HDAC4: variants seen among roughly 807,000 people sequenced by gnomAD.
HDAC4 encodes histone deacetylase 4.
In HDAC4, 16 loss-of-function variants were observed where a neutral mutation model predicts 135.1. That is an observed-to-expected ratio of 0.12 (90% CI 0.08 to 0.18). The LOEUF (loss-of-function observed/expected upper bound fraction) is 0.18, where lower values mean the gene tolerates loss of function less well. Ranked by LOEUF, HDAC4 falls within the 10% of genes least tolerant of loss-of-function variation. The pLI is 1.00. For missense variants in HDAC4, 1,143 were observed against 1,511.8 expected (o/e 0.76, Z 4.05); for synonymous variants, 685 against 653.4 (o/e 1.05, Z -0.74).
intron 1 of HDAC4, among the ~76,000 whole-genome samples, chr2:239,354,561 A>ATTTTTTTTTTTTTTTTTT (rs1559380877): frequency 7.7e-6 from 1 of 129,566 alleles, no homozygotes; most frequent in African/African-American, 3.0e-5. Context: ...TTAGTCTAGA[A>ATTTTTTTTTTTTTTTTTT]ATTTTTTTTT....
intron 2 of HDAC4, among the ~76,000 whole-genome samples, chr2:239,280,128 T>C (rs1051580048): frequency 1.3e-5 from 2 of 152,000 alleles, no homozygotes; most frequent in Non-Finnish European, 2.9e-5. Context: ...ACTTGAGACA[T>C]GTGCTGGTTC....
At chr2:239,337,822 C>T (rs1692041974) in intron 2 of HDAC4, among the ~76,000 whole-genome samples, 1 of 152,118 alleles carries the variant, frequency 6.6e-6, no homozygotes, top group African/African-American at 2.4e-5. Flanking sequence ...CAGACTGGGC[C>T]CTGGCAGAAT....
chr2:239,241,534 CCT>C (rs1451121402), intron 2 of HDAC4, among the ~76,000 whole-genome samples: 1 of 152,178 alleles, frequency 6.6e-6, no homozygotes, highest in African/African-American at 2.4e-5. Context: ...GAACATTAAT[CCT>C]CTGTCAATTA....
At chr2:239,317,459 A>G (rs912731655) in intron 2 of HDAC4, among the ~76,000 whole-genome samples, 1 of 152,048 alleles carries the variant, frequency 6.6e-6, no homozygotes, top group Non-Finnish European at 1.5e-5. Flanking sequence ...GGGTAAGTAC[A>G]GGCGAGATTA....
intron 19 of HDAC4, among the ~76,000 whole-genome samples, chr2:239,086,789 T>C (rs921436045): frequency 1.3e-5 from 2 of 152,212 alleles, no homozygotes; most frequent in Non-Finnish European, 2.9e-5. Context: ...GGCAGAGCCC[T>C]ATGCCACCTC....
Position 239,139,788 on chromosome 2 carries a change from A to G in HDAC4, c.874T>C (p.Cys292Arg). 1.9e-6 allele frequency: 3 copies of G among 1,613,762 alleles called. No homozygotes were observed. The highest frequency in any genetic ancestry group is 2.5e-6 in the Non-Finnish European group (3 of 1,179,900). Residue 292 changes from cysteine to arginine, a missense_variant, in exon 9 of 27, where the codon TGC (cysteine) becomes CGC (arginine). Coordinates refer to ENST00000543185, the MANE Select transcript of HDAC4 (RefSeq NM_001378414.1). The surrounding 1 kb of genome is among the most constrained non-coding windows in gnomAD (Gnocchi z 5.3). ...GGTCCGGAGCCTGGGGCGCTGCTGCACGCGGAGTCTGCGGAGGCAGAAATA... is the reference window on the plus strand; with the variant it reads ...GGTCCGGAGCCTGGGGCGCTGCTGCGCGCGGAGTCTGCGGAGGCAGAAATA... ...KRPLDVTDSACSSAPGSGPSS... is the reference protein window; with the variant it reads ...KRPLDVTDSARSSAPGSGPSS...
chr2:239,144,101 C>A (rs1209670917), intron 8 of HDAC4, among the ~76,000 whole-genome samples: 1 of 152,164 alleles, frequency 6.6e-6, no homozygotes, highest in Non-Finnish European at 1.5e-5. Context: ...TAGGGCCAAG[C>A]TGAAGCAACT....
chr2:239,146,225 GACAAA>G lies in HDAC4; in HGVS notation c.734-1516_734-1512del, dbSNP rs778764518. 1.3e-5 allele frequency among the ~76,000 whole-genome samples: 2 copies of G among 152,068 alleles called. No homozygotes were observed. The highest frequency in any genetic ancestry group is 2.9e-5 in the Non-Finnish European group (2 of 68,006). Reference sequence around the variant, plus strand: ...CTGGGTTTCTTGCCATTATTCAAAAGACAAAACAAAACCAAAAAAAACAAGCCAAA... The same window carrying G: ...CTGGGTTTCTTGCCATTATTCAAAAGACAAAACCAAAAAAAACAAGCCAAA... On this transcript the variant is annotated intron_variant, in intron 7 of 26. Transcript: ENST00000543185. The surrounding 1 kb of genome is among the most constrained non-coding windows in gnomAD (Gnocchi z 4.5).
At chr2:239,114,908 T>C in intron 13 of HDAC4, 145 bp downstream of exon 13, 2 of 973,364 alleles carry the variant, frequency 2.1e-6, no homozygotes, top group South Asian at 1.6e-5. Flanking sequence ...CCTCCCTCAC[T>C]GGCCAGGACA....
At chr2:239,270,777 G>A (rs1029707901) in intron 2 of HDAC4, among the ~76,000 whole-genome samples, 8 of 152,236 alleles carry the variant, frequency 5.3e-5, no homozygotes, top group South Asian at 4.1e-4. Context: ...AGATGTGAGC[G>A]TTACTGTGAG....
chr2:239,071,634 C>T (rs1307855563), intron 22 of HDAC4, among the ~76,000 whole-genome samples: 5 of 152,060 alleles, frequency 3.3e-5, no homozygotes, highest in Non-Finnish European at 4.4e-5. Context: ...CTCTGGCTCT[C>T]GGTAGCCGGT....
intron 1 of HDAC4, among the ~76,000 whole-genome samples, chr2:239,373,192 C>T (rs981559000): frequency 1.3e-5 from 2 of 152,144 alleles, no homozygotes; most frequent in Non-Finnish European, 2.9e-5. Flanking sequence ...AGGCTGCAGC[C>T]GCGCGTACCT....
chr2:239,283,849 T>C (rs1007868495), intron 2 of HDAC4, among the ~76,000 whole-genome samples: 1 of 152,074 alleles, frequency 6.6e-6, no homozygotes, highest in East Asian at 1.9e-4. Context: ...AAAAGCAAAA[T>C]ACATTTGCTA....
intron 4 of HDAC4, among the ~76,000 whole-genome samples, chr2:239,188,363 G>C (rs752309787): frequency 3.9e-5 from 6 of 152,236 alleles, no homozygotes; most frequent in Non-Finnish European, 8.8e-5. Context: ...TATAAAGGAA[G>C]GGAAACTGGG....
chr2:239,298,316 G>A (rs2052036284), intron 2 of HDAC4: 13 of 1,239,708 alleles, frequency 1.0e-5, no homozygotes, highest in Non-Finnish European at 1.3e-5. Flanking sequence ...GGGAGCCCCT[G>A]GGCATCACGT....
intron 24 of HDAC4, among the ~76,000 whole-genome samples, chr2:239,060,276 C>T (rs1355822523): frequency 1.3e-5 from 2 of 152,216 alleles, no homozygotes; most frequent in Non-Finnish European, 1.5e-5. Flanking sequence ...ATCTGCTGCA[C>T]AGAATGTGTG....
chr2:239,084,929 T>C (rs1190477242), intron 19 of HDAC4, among the ~76,000 whole-genome samples: 4 of 118,436 alleles, frequency 3.4e-5, no homozygotes, highest in African/African-American at 1.3e-4. Flanking sequence ...GAACACCCCA[T>C]ACAGAAACAC....
intron 22 of HDAC4, among the ~76,000 whole-genome samples, chr2:239,074,122 G>A (rs2034498951): frequency 6.6e-6 from 1 of 152,030 alleles, no homozygotes; most frequent in African/African-American, 2.4e-5. Context: ...GCCGCCCTCT[G>A]CTTTCAACTG....
At chr2:239,120,472 C>T (rs1002285907) in intron 12 of HDAC4, among the ~76,000 whole-genome samples, 1 of 151,436 alleles carries the variant, frequency 6.6e-6, no homozygotes, top group Admixed American at 6.6e-5. Flanking sequence ...CATGAAGAGA[C>T]AGATACACAG....
Sources: gnomAD v4.1 joint callset for allele counts (sites outside exome capture counted in the v4.1 genomes callset) on GRCh38, gnomAD v4.1.1 for gene constraint, Gnocchi (gnomAD v3.1) non-coding constraint, MANE v1.5 for transcripts, NCBI Gene and HGNC (gene_info 2026-07-23, HGNC 2026-07-21) for gene names.